PTPRN2: variants seen among roughly 807,000 people sequenced by gnomAD.
The protein encoded by PTPRN2 is receptor-type tyrosine-protein phosphatase N2.
PTPRN2 carries 74 observed loss-of-function variants against 118.8 expected under a neutral mutation model. The observed-to-expected ratio is 0.62, with a 90% CI of 0.52 to 0.76. The LOEUF (loss-of-function observed/expected upper bound fraction) is 0.76, where lower values mean the gene tolerates loss of function less well. PTPRN2 is among the 30% of genes least tolerant of loss of function. PTPRN2 has a pLI of 0.00. For synonymous variants in PTPRN2, 641 were observed against 608.0 expected, an observed-to-expected ratio of 1.05 and a Z score of -0.80; for missense variants, 1,481 against 1,394.4, an observed-to-expected ratio of 1.06 and a Z score of -0.99.
intron 12 of PTPRN2, chr7:157,854,804 C>G (rs535105156): frequency 1.3e-5 from 2 of 157,840 alleles, no homozygotes; most frequent in African/African-American, 4.8e-5. Flanking sequence ...CAATGCAGAA[C>G]AGACAGGACG....
intron 2 of PTPRN2, among the ~76,000 whole-genome samples, chr7:158,461,724 C>T (rs1179193856): frequency 1.3e-5 from 2 of 152,232 alleles, no homozygotes; most frequent in Non-Finnish European, 2.9e-5. Flanking sequence ...TGGCCACCTG[C>T]TGTAGAGGCT....
intron 3 of PTPRN2, among the ~76,000 whole-genome samples, chr7:158,275,122 G>A (rs1427246403): frequency 2.0e-5 from 3 of 152,190 alleles, no homozygotes; most frequent in Non-Finnish European, 4.4e-5. Context: ...CAGCAGTGCC[G>A]AGGAGCCCCG....
At chr7:157,552,922 A>G (rs1243569136) in intron 21 of PTPRN2, among the ~76,000 whole-genome samples, 1 of 152,182 alleles carries the variant, frequency 6.6e-6, no homozygotes, top group Non-Finnish European at 1.5e-5. Flanking sequence ...GATTACGTGT[A>G]ATTTACAAAA....
intron 6 of PTPRN2, among the ~76,000 whole-genome samples, chr7:158,151,099 CGCCTTTCTGCTCCT>C (rs1821017149): frequency 7.3e-5 from 3 of 41,344 alleles, no homozygotes; most frequent in Non-Finnish European, 1.5e-4. Context: ...CCAAACCGCC[CGCCTTTCTGCTCCT>C]ACCCCTGCCC....
intron 6 of PTPRN2, among the ~76,000 whole-genome samples, chr7:158,146,603 C>A (rs911533025): frequency 2.0e-5 from 3 of 150,508 alleles, no homozygotes; most frequent in Non-Finnish European, 4.4e-5. Flanking sequence ...CGCCTGTAGT[C>A]CCAGCTACTC....
intron 12 of PTPRN2, among the ~76,000 whole-genome samples, chr7:157,847,229 T>C (rs1215276165): frequency 1.6e-5 from 2 of 126,274 alleles, no homozygotes; most frequent in Non-Finnish European, 3.3e-5. Flanking sequence ...GACTCCATCA[T>C]GTGTGCCCGA....
At chr7:157,656,326 G>C in intron 14 of PTPRN2, 31 bp downstream of exon 14, 1 of 1,525,764 alleles carries the variant, frequency 6.6e-7, no homozygotes, top group Non-Finnish European at 8.9e-7. Flanking sequence ...CCTGGTGTTT[G>C]TGTGGCAGGG....
intron 11 of PTPRN2, among the ~76,000 whole-genome samples, chr7:157,907,979 GT>G (rs1171595601): frequency 6.6e-6 from 1 of 152,156 alleles, no homozygotes; most frequent in Non-Finnish European, 1.5e-5. Flanking sequence ...AAGCCTGTCT[GT>G]CCCCCGTGAC....
At chr7:157,564,130 G>GAA (rs34010599) in intron 21 of PTPRN2, among the ~76,000 whole-genome samples, 24 of 151,576 alleles carry the variant, frequency 1.6e-4, no homozygotes, top group Admixed American at 1.1e-3. Context: ...AAAAGCACAA[G>GAA]AAAAAAAAAT....
intron 6 of PTPRN2, among the ~76,000 whole-genome samples, chr7:158,144,496 G>T (rs1819702399): frequency 6.6e-6 from 1 of 152,184 alleles, no homozygotes; most frequent in South Asian, 2.1e-4. Context: ...AAAATTAGCT[G>T]GGCATGGTGT....
At chr7:158,582,103 A>G (rs1415427338) in intron 1 of PTPRN2, among the ~76,000 whole-genome samples, 1 of 152,202 alleles carries the variant, frequency 6.6e-6, no homozygotes, top group African/African-American at 2.4e-5. Context: ...AGCAGCAGAA[A>G]AGTGGATTAA....
At chr7:158,350,340 C>T (rs957601851) in intron 2 of PTPRN2, among the ~76,000 whole-genome samples, 14 of 152,282 alleles carry the variant, frequency 9.2e-5, no homozygotes, top group African/African-American at 2.9e-4. Flanking sequence ...GGCTGGTTGC[C>T]GTGTTCCCAG....
intron 11 of PTPRN2, among the ~76,000 whole-genome samples, chr7:157,949,045 G>C (rs1380517760): frequency 6.6e-6 from 1 of 152,010 alleles, no homozygotes; most frequent in Non-Finnish European, 1.5e-5. Flanking sequence ...GCAGGGGGCG[G>C]GTGTCTTAGA....
chr7:158,139,251 C>T (rs1819138631), intron 6 of PTPRN2, among the ~76,000 whole-genome samples: 1 of 152,174 alleles, frequency 6.6e-6, no homozygotes, highest in Non-Finnish European at 1.5e-5. Flanking sequence ...GAGATGTGTG[C>T]ACCCGCTGCT....
intron 14 of PTPRN2, among the ~76,000 whole-genome samples, chr7:157,621,830 C>T (rs561058242): frequency 2.6e-5 from 4 of 152,058 alleles, no homozygotes; most frequent in Non-Finnish European, 4.4e-5. Flanking sequence ...ACCAAGCTCT[C>T]GGTGGGGCTG....
chr7:157,541,356 C>T (rs746462986), intron 22 of PTPRN2, among the ~76,000 whole-genome samples: 6 of 152,262 alleles, frequency 3.9e-5, no homozygotes, highest in Non-Finnish European at 7.3e-5. Flanking sequence ...CACACCCCTC[C>T]TGGCTCAGGG....
chr7:158,139,361 A>G (rs1819153770), intron 6 of PTPRN2, among the ~76,000 whole-genome samples: 1 of 152,142 alleles, frequency 6.6e-6, no homozygotes, highest in Non-Finnish European at 1.5e-5. Context: ...GGGTGGACAT[A>G]ACGGAAGAAA....
chr7:157,804,868 G>A (rs755783229), intron 12 of PTPRN2, among the ~76,000 whole-genome samples: 5 of 152,190 alleles, frequency 3.3e-5, no homozygotes, highest in South Asian at 4.1e-4. Context: ...CCTCACTCAC[G>A]AGAGAAGGCT....
intron 3 of PTPRN2, among the ~76,000 whole-genome samples, chr7:158,261,850 T>A (rs1036260874): frequency 1.7e-4 from 26 of 152,224 alleles, no homozygotes; most frequent in Non-Finnish European, 4.4e-5. Flanking sequence ...TCGAATATTC[T>A]GACGGGGCTT....
Sources: allele counts gnomAD v4.1 joint callset (sites outside exome capture counted in the v4.1 genomes callset), GRCh38; gene constraint gnomAD v4.1.1; transcripts MANE v1.5; gene names NCBI Gene and HGNC (gene_info 2026-07-23, HGNC 2026-07-21).